MBOAT1: variants seen among roughly 807,000 people sequenced by gnomAD.
The protein encoded by MBOAT1 is membrane bound glycerophospholipid O-acyltransferase 1.
In MBOAT1, 67 loss-of-function variants were observed where a neutral mutation model predicts 64.4. The ratio of observed to expected loss-of-function variants is 1.04; its 90% CI spans 0.85 to 1.27. The LOEUF (loss-of-function observed/expected upper bound fraction) is 1.27. MBOAT1 is among the 50% of genes most tolerant of loss of function. The pLI is 0.00. For synonymous variants in MBOAT1, 229 were observed against 218.9 expected (o/e 1.05, Z -0.41); for missense variants, 563 against 604.6 (o/e 0.93, Z 0.72).
chr6:20,192,187 A>G (rs750127528), intron 1 of MBOAT1, among the ~76,000 whole-genome samples: 24 of 152,192 alleles, frequency 1.6e-4, no homozygotes, highest in Non-Finnish European at 3.5e-4. Flanking sequence ...TCCTGGGTAC[A>G]CTAAACTTAT....
chr6:20,118,956 C>G (rs749301712), intron 8 of MBOAT1, among the ~76,000 whole-genome samples: 1 of 151,926 alleles, frequency 6.6e-6, no homozygotes, highest in Non-Finnish European at 1.5e-5. Context: ...AACAAGGGAC[C>G]CAGAAGAGGT....
intron 1 of MBOAT1, among the ~76,000 whole-genome samples, chr6:20,179,929 T>C (rs1384845887): frequency 1.3e-5 from 2 of 151,956 alleles, no homozygotes; most frequent in Non-Finnish European, 2.9e-5. Flanking sequence ...GAGCTTTTTT[T>C]CATATGTTTA....
chr6:20,133,248 G>A (rs2113663848), intron 4 of MBOAT1, among the ~76,000 whole-genome samples: 1 of 152,316 alleles, frequency 6.6e-6, no homozygotes, highest in South Asian at 2.1e-4. Context: ...ACCAGATCTG[G>A]TGAGGCAAGT....
chr6:20,110,197 C>T (rs989257771), intron 11 of MBOAT1, among the ~76,000 whole-genome samples: 1 of 147,836 alleles, frequency 6.8e-6, no homozygotes, highest in Non-Finnish European at 1.5e-5. Context: ...GCGTGAGCCA[C>T]CGCGCCCGGC....
At chr6:20,115,379 A>G (rs190072497) in intron 9 of MBOAT1, 27 bp from the exon 10 acceptor site, 5 of 1,584,572 alleles carry the variant, frequency 3.2e-6, no homozygotes, top group East Asian at 2.2e-5. Flanking sequence ...AACACCTATC[A>G]TTAGCTTTAA....
At chr6:20,210,560 C>A (rs1365294869) in intron 1 of MBOAT1, among the ~76,000 whole-genome samples, 3 of 152,086 alleles carry the variant, frequency 2.0e-5, no homozygotes, top group African/African-American at 7.2e-5. Context: ...ATTTCTCCTT[C>A]GGTTTATCCC....
chr6:20,163,451 G>A (rs78638333), intron 1 of MBOAT1, among the ~76,000 whole-genome samples: 21,287 of 152,154 alleles, frequency 0.14, 1,584 homozygotes, highest in Non-Finnish European at 0.16. Flanking sequence ...CCTTCTGCCT[G>A]TATAATTCCT....
chr6:20,119,069 G>A (rs1581401386), intron 8 of MBOAT1, among the ~76,000 whole-genome samples: 1 of 152,148 alleles, frequency 6.6e-6, no homozygotes, highest in South Asian at 2.1e-4. Context: ...TTGTGGACAT[G>A]TTAAGCATGA....
rs774541134 is a variant in MBOAT1, at chr6:20,118,477, C to A, written c.971G>T (p.Cys324Phe). ...FSGVDKNGNF[C>F]WDLLSNLNIW... ...GTTTAGGTTCGAAAGCAGATCCCAA[C>A]AGAAATTCCCATTCTTATCCACTCC... The change falls in exon 9 of 13, where the codon TGT becomes TTT. Residue 324 changes from cysteine (C) to phenylalanine (F), a missense_variant. Coordinates refer to ENST00000324607, the MANE Select transcript of MBOAT1 (RefSeq NM_001080480.3). The A allele has an allele frequency of 6.2e-7, 1 of 1,614,080 alleles. No homozygotes were observed. Among genetic ancestry groups the A allele is most frequent in the South Asian group, 1.1e-5 (1 of 91,086 alleles).
In MBOAT1 at chr6:20,188,375, C is replaced by T. The variant is rs1413786451; in HGVS notation, c.99+23761G>A. 2.0e-5 allele frequency among the ~76,000 whole-genome samples: 3 copies of T among 152,140 alleles called. No individual in the cohort carries two copies. The East Asian group carries it at 5.8e-4, about 29-fold the overall frequency. The stretch of plus-strand genomic sequence containing the variant: ...AGAAAATCCTGCTTCCTCCTGAAGA[C>T]CCTCAGCACATTCCAGGTAGTTCTG... On this transcript the variant is annotated intron_variant, in intron 1 of 12. Coordinates refer to ENST00000324607, the MANE Select transcript of MBOAT1 (RefSeq NM_001080480.3).
intron 2 of MBOAT1, among the ~76,000 whole-genome samples, chr6:20,151,533 A>G (rs1003371647): frequency 1.3e-5 from 2 of 152,228 alleles, no homozygotes; most frequent in South Asian, 2.1e-4. Flanking sequence ...CCCATATGCA[A>G]TTGAGAGTCC....
chr6:20,118,683 C>T (rs1760406078), intron 8 of MBOAT1, 143 bp from the exon 9 acceptor site: 1 of 627,216 alleles, frequency 1.6e-6, no homozygotes, highest in African/African-American at 1.9e-5. Flanking sequence ...TGTAAAGGAC[C>T]TGCTAACATT....
chr6:20,202,985 T>A (rs1408476447), intron 1 of MBOAT1, among the ~76,000 whole-genome samples: 2 of 152,186 alleles, frequency 1.3e-5, no homozygotes, highest in Non-Finnish European at 2.9e-5. Flanking sequence ...TTAGATATAA[T>A]CTTTTCATGA....
chr6:20,132,561 A>G (rs572445195), intron 4 of MBOAT1, among the ~76,000 whole-genome samples: 2 of 152,328 alleles, frequency 1.3e-5, no homozygotes, highest in South Asian at 4.1e-4. Flanking sequence ...CACATGAAAG[A>G]ACAGAAAAAT....
At position 20,101,805 on chromosome 6, in the gene MBOAT1, G is replaced by A. The variant is rs1243195869; in HGVS notation, c.*481C>T. Among the ~76,000 whole-genome samples, 4 of 152,084 alleles carry A rather than the reference G, an allele frequency of 2.6e-5. No individual in the cohort carries two copies. The highest frequency in any genetic ancestry group is 5.9e-5 in the Non-Finnish European group (4 of 68,022). ...TAACCTGGACATGGCCGATTAATCTGTACAAAAAGGCTTTATAAAAATACT... is the reference window on the plus strand; with the variant it reads ...TAACCTGGACATGGCCGATTAATCTATACAAAAAGGCTTTATAAAAATACT... On this transcript the variant is annotated 3_prime_UTR_variant, in exon 13 of 13. Coordinates refer to ENST00000324607, the MANE Select transcript of MBOAT1 (RefSeq NM_001080480.3).
intron 1 of MBOAT1, among the ~76,000 whole-genome samples, chr6:20,185,951 G>A (rs925657385): frequency 4.6e-5 from 7 of 152,188 alleles, no homozygotes; most frequent in African/African-American, 1.7e-4. Flanking sequence ...GGAGGCTGAG[G>A]TGGGAGGATC....
rs571951854 is a variant in MBOAT1 at position 20,193,700 on chromosome 6, G to A, written c.99+18436C>T. 3.4e-5 allele frequency among the ~76,000 whole-genome samples: 5 copies of A among 149,024 alleles called. No homozygotes were observed. In the South Asian group the frequency reaches 6.4e-4, roughly 19 times the overall value. ...CTGCTCACTGCAACCTCTGCCTCCC[G>A]AGTTCAAGAGATTCTCCTCCCTCAG... On this transcript the variant is annotated intron_variant, in intron 1 of 12. Coordinates refer to ENST00000324607, the MANE Select transcript of MBOAT1 (RefSeq NM_001080480.3).
intron 1 of MBOAT1, among the ~76,000 whole-genome samples, chr6:20,154,661 C>T (rs181679893): frequency 9.2e-5 from 14 of 152,322 alleles, no homozygotes; most frequent in African/African-American, 2.2e-4. Flanking sequence ...GACAGAGAAG[C>T]GACTTGTGAG....
chr6:20,211,334 A>G (rs1292967465), intron 1 of MBOAT1, among the ~76,000 whole-genome samples: 1 of 152,160 alleles, frequency 6.6e-6, no homozygotes. Context: ...GCCCAATTCT[A>G]TTTAAATCAA....
Sources: allele counts gnomAD v4.1 joint callset (sites outside exome capture counted in the v4.1 genomes callset), GRCh38; gene constraint gnomAD v4.1.1; transcripts MANE v1.5; gene names NCBI Gene and HGNC (gene_info 2026-07-23, HGNC 2026-07-21).